The following SLC1A4 variants were observed in gnomAD, a reference collection of about 807,000 sequenced individuals.
SLC1A4 encodes the protein neutral amino acid transporter A.
In SLC1A4, 19 loss-of-function variants were observed where a neutral mutation model predicts 37.7. The observed-to-expected ratio is 0.50, with a 90% CI of 0.35 to 0.74. The LOEUF is 0.74. Among genes scored for constraint, SLC1A4 ranks in the 30% least tolerant of loss-of-function variants. The pLI, the probability that SLC1A4 is intolerant of heterozygous loss-of-function variation, is 0.01. For synonymous variants in SLC1A4, 299 were observed against 309.8 expected, an observed-to-expected ratio of 0.97 and a Z score of 0.37; for missense variants, 570 against 712.9, an observed-to-expected ratio of 0.80 and a Z score of 2.28.
intron 4 of SLC1A4, among the ~76,000 whole-genome samples, chr2:65,014,384 G>T (rs1265431894): frequency 6.6e-6 from 1 of 152,180 alleles, no homozygotes; most frequent in Non-Finnish European, 1.5e-5. Context: ...AGAAATAAGG[G>T]AAATGAAAAT....
In SLC1A4 at chr2:65,016,662, T is replaced by C. The variant is rs759357618; in HGVS notation, c.1023T>C (p.Ala341=). The change falls in exon 5 of 8, where the codon GCT becomes GCC. Residue 341 remains alanine (A), a synonymous_variant. Coordinates refer to ENST00000234256, the MANE Select transcript of SLC1A4 (RefSeq NM_003038.5). ...GLLAPFATAF[A]TCSSSATLPS... ...TCGCCCCATTTGCGACAGCATTTGC[T>C]ACCTGCTCCAGGTGAGTGGGTTTTG... The C allele has an allele frequency of 6.2e-7, 1 of 1,613,496 alleles. No homozygotes were observed. The highest frequency in any genetic ancestry group is 1.3e-5 in the African/African-American group (1 of 74,948).
At chr2:65,007,270 TTGTGTGTG>T (rs57019332) in intron 3 of SLC1A4, among the ~76,000 whole-genome samples, 54 of 149,360 alleles carry the variant, frequency 3.6e-4, no homozygotes, top group Non-Finnish European at 6.0e-5. Context: ...AAGAGTGTGT[TTGTGTGTG>T]TGTGTGTGTG....
At chr2:65,016,201 C>T (rs967772461) in intron 4 of SLC1A4, among the ~76,000 whole-genome samples, 11 of 152,196 alleles carry the variant, frequency 7.2e-5, no homozygotes, top group African/African-American at 1.4e-4. Flanking sequence ...AGGGGAAAGA[C>T]GTCTGGGTTC....
intron 4 of SLC1A4, among the ~76,000 whole-genome samples, chr2:65,014,332 C>A (rs1010610997): frequency 6.6e-6 from 1 of 152,068 alleles, no homozygotes; most frequent in African/African-American, 2.4e-5. Context: ...TATGTGAAAC[C>A]TGAATTACCA....
At chr2:64,994,041 A>G (rs906345437) in intron 1 of SLC1A4, among the ~76,000 whole-genome samples, 3 of 152,222 alleles carry the variant, frequency 2.0e-5, no homozygotes, top group Admixed American at 6.5e-5. Context: ...CTTGAAGCTA[A>G]TGTAGTCTCT....
rs1303839685 is a variant in SLC1A4 at position 65,021,189 on chromosome 2, C to T, written c.*43C>T. On this transcript the variant is annotated 3_prime_UTR_variant, in exon 8 of 8. Coordinates refer to ENST00000234256, the MANE Select transcript of SLC1A4 (RefSeq NM_003038.5). The stretch of plus-strand genomic sequence containing the variant: ...CTTGCCTGCCAGCAGTGATGTCCCA[C>T]CCTGTTCACCCAGCCGCCAGTCATG... The T allele has an allele frequency of 6.7e-7, 1 of 1,490,162 alleles. No homozygotes were observed. The allele number at this position is 1,490,162 out of a possible 1,614,324, so 92.3% of individuals were successfully genotyped here. A position where few individuals can be genotyped will look rare whatever the true frequency, so the allele number is the denominator to read the frequency against.
rs1222342261 is a variant in SLC1A4, at chr2:65,010,594, C to A, written c.634-3C>A. Reference sequence around the variant, plus strand: ...ACTTGTTCTATCCTCTCTGATCCTGCAGATCCCCATAGGCACTGAGATAGA... The same window carrying A: ...ACTTGTTCTATCCTCTCTGATCCTGAAGATCCCCATAGGCACTGAGATAGA... On this transcript the variant is annotated splice_region_variant and splice_polypyrimidine_tract_variant and intron_variant, in intron 3 of 7. Coordinates refer to ENST00000234256, the MANE Select transcript of SLC1A4 (RefSeq NM_003038.5). 5.0e-6 allele frequency: 8 copies of A among 1,598,854 alleles called. No homozygotes were observed. The highest frequency in any genetic ancestry group is 6.8e-6 in the Non-Finnish European group (8 of 1,173,928).
Position 65,021,344 on chromosome 2 carries a change from C to T in SLC1A4, c.*198C>T, listed in dbSNP as rs962199796. ...CGGAACTGGTTACCAAGGACAAGGA[C>T]ACTCTGACATTCGGCTTGATCCATG... On this transcript the variant is annotated 3_prime_UTR_variant, in exon 8 of 8. Coordinates refer to ENST00000234256, the MANE Select transcript of SLC1A4 (RefSeq NM_003038.5). 22 of 589,296 alleles carry T rather than the reference C, an allele frequency of 3.7e-5. No individual in the cohort carries two copies. The highest frequency in any genetic ancestry group is 6.3e-5 in the Non-Finnish European group (21 of 330,854). 36.5% of individuals were successfully genotyped at this position (589,296 alleles called of 1,614,324 possible).
At chr2:65,006,055 T>C (rs763501378) in intron 3 of SLC1A4, among the ~76,000 whole-genome samples, 1 of 151,688 alleles carries the variant, frequency 6.6e-6, no homozygotes, top group Non-Finnish European at 1.5e-5. Context: ...AGAACACTAA[T>C]TGTCTCTTCA....
rs755772562 is a variant in SLC1A4 at position 64,990,021 on chromosome 2, G to T, written c.378G>T (p.Leu126=). 8 of 1,602,794 alleles carry T rather than the reference G, an allele frequency of 5.0e-6. No homozygotes were observed. The highest frequency in any genetic ancestry group is 1.3e-5 in the African/African-American group (1 of 74,926). The change falls in exon 1 of 8, where the codon CTG becomes CTT. Residue 126 remains leucine, a synonymous_variant. Transcript: ENST00000234256. ...IAVAYFGLTT[L]SASALAVALA... ...TCGCCTACTTTGGCCTCACCACACTGAGTGCCTCGGCGCTCGCCGTGGCCT... is the reference window on the plus strand; with the variant it reads ...TCGCCTACTTTGGCCTCACCACACTTAGTGCCTCGGCGCTCGCCGTGGCCT...
chr2:65,012,076 C>CTTGTTTTTTTGTTTTGTTTTT (rs1293598393), intron 4 of SLC1A4, among the ~76,000 whole-genome samples: 2 of 149,162 alleles, frequency 1.3e-5, no homozygotes, highest in East Asian at 4.0e-4. Flanking sequence ...GCCGCTTCTA[C>CTTGTTTTTTTGTTTTGTTTTT]TTGTTTTTTT....
chr2:65,004,055 A>T, intron 3 of SLC1A4, 40 bp downstream of exon 3: 1 of 1,503,656 alleles, frequency 6.7e-7, no homozygotes. Flanking sequence ...AATATGTCTA[A>T]AACAAATCTT....
chr2:65,007,717 ATG>A (rs1479268733), intron 3 of SLC1A4, among the ~76,000 whole-genome samples: 5 of 152,246 alleles, frequency 3.3e-5, no homozygotes, highest in African/African-American at 4.8e-5. Context: ...TGAATAATAA[ATG>A]TGCATAGTTT....
At chr2:65,012,826 C>A (rs1046913919) in intron 4 of SLC1A4, among the ~76,000 whole-genome samples, 2 of 152,208 alleles carry the variant, frequency 1.3e-5, no homozygotes, top group Non-Finnish European at 2.9e-5. Flanking sequence ...ATTGCTTGAG[C>A]TCAGGAGTTC....
At chr2:64,997,594 T>G (rs1673305066) in intron 1 of SLC1A4, among the ~76,000 whole-genome samples, 1 of 152,230 alleles carries the variant, frequency 6.6e-6, no homozygotes, top group Non-Finnish European at 1.5e-5. Context: ...CAGTCTTGTT[T>G]TGCTCAGCAC....
At position 65,010,690 on chromosome 2, in the gene SLC1A4, G is replaced by A. The variant is rs1218476316; in HGVS notation, c.727G>A (p.Glu243Lys). The change falls in exon 4 of 8, where the codon GAA (glutamate) becomes AAA (lysine). Residue 243 changes from glutamate to lysine, a missense_variant. By Grantham distance (56) the Glu-to-Lys change is moderately conservative. Transcript: ENST00000234256. ...LGVALKKLGS[E>K]GEDLIRFFNS... is the part of the protein sequence containing the mutation. ...AGTGGCCTTAAAGAAACTAGGCTCC[G>A]AAGGAGAAGACCTCATCCGTTTCTT... The A allele has an allele frequency of 2.5e-6, 4 of 1,614,150 alleles. No individual in the cohort carries two copies. The highest frequency in any genetic ancestry group is 1.7e-5 in the Admixed American group (1 of 60,016).
intron 4 of SLC1A4, among the ~76,000 whole-genome samples, chr2:65,015,489 G>A (rs150394585): frequency 5.3e-5 from 8 of 152,284 alleles, no homozygotes; most frequent in Middle Eastern, 6.8e-3. Flanking sequence ...TATTTGAGGA[G>A]GATCCTGGCT....
At chr2:64,997,129 G>A (rs1053365437) in intron 1 of SLC1A4, among the ~76,000 whole-genome samples, 1 of 152,046 alleles carries the variant, frequency 6.6e-6, no homozygotes, top group Non-Finnish European at 1.5e-5. Flanking sequence ...GCAAGCAGAG[G>A]ATGAAAGCAA....
At chr2:65,013,720 A>G (rs1674014520) in intron 4 of SLC1A4, among the ~76,000 whole-genome samples, 1 of 152,176 alleles carries the variant, frequency 6.6e-6, no homozygotes, top group Non-Finnish European at 1.5e-5. Flanking sequence ...ATCTCAACCA[A>G]GTATGGGAGG....
Sources: allele counts gnomAD v4.1 joint callset (sites outside exome capture counted in the v4.1 genomes callset), GRCh38; gene constraint gnomAD v4.1.1; transcripts MANE v1.5; gene names NCBI Gene and HGNC (gene_info 2026-07-23, HGNC 2026-07-21).